PARD3B: variants seen among roughly 807,000 people sequenced by gnomAD.
PARD3B encodes partitioning defective 3 homolog B.
PARD3B carries 103 observed loss-of-function variants against 130.2 expected under a neutral mutation model. The observed-to-expected ratio is 0.79, with a 90% CI of 0.67 to 0.93. The LOEUF (loss-of-function observed/expected upper bound fraction) is 0.93. PARD3B is among the 40% of genes least tolerant of loss of function. The pLI, the probability that PARD3B is intolerant of heterozygous loss-of-function variation, is 0.00. For synonymous variants in PARD3B, 583 were observed against 553.2 expected, an observed-to-expected ratio of 1.05 and a Z score of -0.76; for missense variants, 1,609 against 1,499.2, an observed-to-expected ratio of 1.07 and a Z score of -1.21.
intron 2 of PARD3B, among the ~76,000 whole-genome samples, chr2:204,850,482 A>G (rs2044661588): frequency 6.6e-6 from 1 of 151,668 alleles, no homozygotes; most frequent in Non-Finnish European, 1.5e-5. Context: ...AAAAATATGT[A>G]TATATATATA....
intron 2 of PARD3B, among the ~76,000 whole-genome samples, chr2:204,816,613 A>G (rs1190946810): frequency 6.6e-6 from 1 of 151,890 alleles, no homozygotes; most frequent in Non-Finnish European, 1.5e-5. Context: ...ATGTGCTGCC[A>G]TTCTTACCTT....
chr2:204,636,926 C>T (rs760142183), intron 1 of PARD3B, among the ~76,000 whole-genome samples: 12 of 152,090 alleles, frequency 7.9e-5, no homozygotes, highest in Admixed American at 2.0e-4. Flanking sequence ...AGACTTATGG[C>T]GCTCATTTTC....
chr2:205,012,036 C>A (rs895401437), intron 3 of PARD3B, among the ~76,000 whole-genome samples: 3 of 152,148 alleles, frequency 2.0e-5, no homozygotes, highest in African/African-American at 7.2e-5. Flanking sequence ...CCTTTTAAAG[C>A]AGCTGCTTTC....
At chr2:204,783,059 C>T (rs757596088) in intron 2 of PARD3B, among the ~76,000 whole-genome samples, 1 of 152,060 alleles carries the variant, frequency 6.6e-6, no homozygotes, top group Non-Finnish European at 1.5e-5. Flanking sequence ...GTTATCTGTG[C>T]CATAAACTCT....
At chr2:204,911,756 G>A (rs1421194455) in intron 2 of PARD3B, among the ~76,000 whole-genome samples, 5 of 152,150 alleles carry the variant, frequency 3.3e-5, no homozygotes. Flanking sequence ...GCAGATTTAG[G>A]TCAACAAAAT....
chr2:205,447,325 C>A (rs954861357), intron 20 of PARD3B, among the ~76,000 whole-genome samples: 9 of 152,184 alleles, frequency 5.9e-5, no homozygotes, highest in Non-Finnish European at 1.3e-4. Context: ...GTTCCTGGGG[C>A]AGTCTGTCCT....
At chr2:205,164,184 C>T (rs2034669334) in intron 11 of PARD3B, among the ~76,000 whole-genome samples, 2 of 152,086 alleles carry the variant, frequency 1.3e-5, no homozygotes, top group South Asian at 2.1e-4. Context: ...AGGAAAAATA[C>T]ATTTTAGCTA....
intron 18 of PARD3B, among the ~76,000 whole-genome samples, chr2:205,304,228 G>A (rs2042110478): frequency 6.6e-6 from 1 of 152,142 alleles, no homozygotes. Flanking sequence ...TCAAAATCTT[G>A]GGAGCGATGT....
chr2:205,438,238 A>G (rs1026079787), intron 19 of PARD3B, among the ~76,000 whole-genome samples: 1 of 152,212 alleles, frequency 6.6e-6, no homozygotes, highest in South Asian at 2.1e-4. Flanking sequence ...AGTACTTTTC[A>G]TCTGAGATTC....
In PARD3B at chr2:205,258,042, C is replaced by A. The variant is rs2040161711; in HGVS notation, c.2185+12220C>A. On this transcript the variant is annotated intron_variant, in intron 16 of 22. Transcript: ENST00000406610. The surrounding 1 kb of genome is among the most constrained non-coding windows in gnomAD (Gnocchi z 4.9). ...TACTATAAACTTCTCTCAATAAACT[C>A]TAACTTGAGTTATATTTTCAAATAT... Among the ~76,000 whole-genome samples the A allele has an allele frequency of 6.6e-6, 1 of 152,162 alleles. No individual in the cohort carries two copies. The highest frequency in any genetic ancestry group is 2.1e-4 in the South Asian group (1 of 4,828).
At chr2:205,127,533 A>C (rs2031580909) in intron 10 of PARD3B, among the ~76,000 whole-genome samples, 1 of 152,200 alleles carries the variant, frequency 6.6e-6, no homozygotes, top group Non-Finnish European at 1.5e-5. Flanking sequence ...TTTAGGAGAC[A>C]TGACAGTTAT....
intron 2 of PARD3B, among the ~76,000 whole-genome samples, chr2:204,826,179 C>A: frequency 6.6e-6 from 1 of 152,146 alleles, no homozygotes; most frequent in East Asian, 1.9e-4. Flanking sequence ...AGTTTGGGGG[C>A]AAAAGGAGCT....
chr2:204,748,123 G>T (rs2193451), intron 2 of PARD3B, among the ~76,000 whole-genome samples: 118,357 of 151,986 alleles, frequency 0.78, 46,260 homozygotes, highest in East Asian at 0.89. Context: ...TAAAATTCTG[G>T]GAGATTTAAA....
chr2:205,557,810 A>T (rs1259925481), intron 22 of PARD3B, among the ~76,000 whole-genome samples: 3 of 152,042 alleles, frequency 2.0e-5, no homozygotes, highest in African/African-American at 7.3e-5. Flanking sequence ...CACACACCAG[A>T]GCTCATTTTC....
chr2:204,845,945 C>T (rs761364082), intron 2 of PARD3B, among the ~76,000 whole-genome samples: 2 of 151,838 alleles, frequency 1.3e-5, no homozygotes, highest in East Asian at 1.9e-4. Context: ...AAACACCATA[C>T]GTAGTTAAAA....
rs1318853642 is a variant in PARD3B at position 204,678,775 on chromosome 2, G to T, written c.121-7406G>T. On this transcript the variant is annotated intron_variant, in intron 1 of 22. Coordinates refer to ENST00000406610, the MANE Select transcript of PARD3B (RefSeq NM_001302769.2). This position sits in a 1 kb window ranked among gnomAD's most constrained non-coding sequence, Gnocchi z 4.2. ...TGGGCCAAAAAGTAGCATTTGAGCT[G>T]GAAAACGGATAACTGTTTTCATTTA... 6.6e-6 allele frequency among the ~76,000 whole-genome samples: 1 copy of T among 152,080 alleles called. No individual in the cohort carries two copies. Among genetic ancestry groups the T allele is most frequent in the Admixed American group, 6.5e-5 (1 of 15,268 alleles).
chr2:204,580,568 G>C (rs1253885615), intron 1 of PARD3B, among the ~76,000 whole-genome samples: 1 of 152,194 alleles, frequency 6.6e-6, no homozygotes, highest in Non-Finnish European at 1.5e-5. Flanking sequence ...ATACACAGCA[G>C]ATATACAAAT....
intron 1 of PARD3B, among the ~76,000 whole-genome samples, chr2:204,624,998 T>C (rs1350962578): frequency 6.6e-6 from 1 of 152,124 alleles, no homozygotes; most frequent in Non-Finnish European, 1.5e-5. Context: ...ATGTTGAACC[T>C]TTTTTTGTGT....
chr2:204,967,051 G>C lies in PARD3B; in HGVS notation c.394+1728G>C, dbSNP rs67992891. 0.24 allele frequency among the ~76,000 whole-genome samples: 35,962 copies of C among 152,072 alleles called. 4,653 individuals carry two copies. Among genetic ancestry groups the C allele is most frequent in the Admixed American group, 0.37 (5,605 of 15,270 alleles). On this transcript the variant is annotated intron_variant, in intron 3 of 22. Coordinates refer to ENST00000406610, the MANE Select transcript of PARD3B (RefSeq NM_001302769.2). The surrounding 1 kb of genome is among the most constrained non-coding windows in gnomAD (Gnocchi z 4.4). ...GTGTGAGAAACCATTTTGCTGTGCT[G>C]CCTCTGACATGCAATTCCTAAAACA...
Sources: gnomAD v4.1 joint callset for allele counts (sites outside exome capture counted in the v4.1 genomes callset) on GRCh38, gnomAD v4.1.1 for gene constraint, Gnocchi (gnomAD v3.1) non-coding constraint, MANE v1.5 for transcripts, NCBI Gene and HGNC (gene_info 2026-07-23, HGNC 2026-07-21) for gene names.